Variants in RBFOX3 observed in about 807,000 individuals in gnomAD.
The protein encoded by RBFOX3 is RNA binding protein fox-1 homolog 3.
Under a neutral mutation model 48.7 loss-of-function variants are expected in RBFOX3, and 17 were observed. That is an observed-to-expected ratio of 0.35 (90% CI 0.24 to 0.52). The LOEUF (loss-of-function observed/expected upper bound fraction) is 0.52, where lower values mean the gene tolerates loss of function less well. Ranked by LOEUF, RBFOX3 falls within the 20% of genes least tolerant of loss-of-function variation. RBFOX3 has a pLI of 0.94. For missense variants in RBFOX3, 382 were observed against 497.5 expected (o/e 0.77, Z 2.21); for synonymous variants, 212 against 209.5 (o/e 1.01, Z -0.10).
chr17:79,611,732 C>T, upstream of RBFOX3, among the ~76,000 whole-genome samples: 1 of 152,220 alleles, frequency 6.6e-6, no homozygotes, highest in Non-Finnish European at 1.5e-5. Flanking sequence ...ACCCCAAACC[C>T]CCTCACTAGG....
intron 2 of RBFOX3, among the ~76,000 whole-genome samples, chr17:79,368,998 G>T (rs1187695424): frequency 1.3e-5 from 2 of 152,120 alleles, no homozygotes; most frequent in South Asian, 4.1e-4. Context: ...CTCGCTCACC[G>T]CCGCCTGCTA....
At chr17:79,398,074 G>C (rs538383062) in intron 2 of RBFOX3, among the ~76,000 whole-genome samples, 14 of 151,426 alleles carry the variant, frequency 9.2e-5, no homozygotes, top group Admixed American at 9.2e-4. Flanking sequence ...CGAGGCTCTG[G>C]GCGCCTTGTC....
At chr17:79,478,231 G>C (rs1000766887) in intron 2 of RBFOX3, among the ~76,000 whole-genome samples, 1 of 152,228 alleles carries the variant, frequency 6.6e-6, no homozygotes, top group African/African-American at 2.4e-5. Flanking sequence ...TGATGGATGA[G>C]TGCAGGAAGC....
At position 79,480,106 on chromosome 17, in the gene RBFOX3, G is replaced by A. The variant is rs1207392790; in HGVS notation, c.-175+2348C>T. ...ACAGCGACACTGCAGGGAGCCCCAG[G>A]ACAGAAAGAGCCAGAAAGAGCAGTG... On this transcript the variant is annotated intron_variant, in intron 2 of 14. Transcript: ENST00000693108. This position sits in a 1 kb window ranked among gnomAD's most constrained non-coding sequence, Gnocchi z 4.8. Among the ~76,000 whole-genome samples, 3 of 152,200 alleles carry A rather than the reference G, an allele frequency of 2.0e-5. No homozygotes were observed. The highest frequency in any genetic ancestry group is 6.5e-5 in the Admixed American group (1 of 15,282).
chr17:79,551,893 A>C (rs1181446378), intron 1 of RBFOX3, among the ~76,000 whole-genome samples: 1 of 152,200 alleles, frequency 6.6e-6, no homozygotes, highest in African/African-American at 2.4e-5. Context: ...TCTGTTCTTT[A>C]TAAATTACTC....
intron 4 of RBFOX3, among the ~76,000 whole-genome samples, chr17:79,228,624 C>A (rs189059735): frequency 6.6e-6 from 1 of 152,298 alleles, no homozygotes; most frequent in Admixed American, 6.5e-5. Context: ...AGAACTTGAG[C>A]GTTTGGGAGC....
chr17:79,097,258 C>G (rs1488433888), intron 11 of RBFOX3, 34 bp downstream of exon 11: 5 of 1,515,500 alleles, frequency 3.3e-6, no homozygotes, highest in African/African-American at 1.4e-5. Flanking sequence ...CGTCCTACCC[C>G]CTCCTCCACG....
intron 4 of RBFOX3, among the ~76,000 whole-genome samples, chr17:79,134,742 A>C (rs1474990204): frequency 2.0e-5 from 3 of 152,182 alleles, no homozygotes; most frequent in African/African-American, 4.8e-5. Flanking sequence ...GGGAAGAGGC[A>C]GTTCCCCCCT....
At chr17:79,483,374 C>G (rs1740584628) in intron 1 of RBFOX3, among the ~76,000 whole-genome samples, 1 of 151,596 alleles carries the variant, frequency 6.6e-6, no homozygotes, top group Non-Finnish European at 1.5e-5. Context: ...CCTCCCCGAC[C>G]CCACCCCTGC....
intron 2 of RBFOX3, among the ~76,000 whole-genome samples, chr17:79,372,250 T>C (rs1460699886): frequency 6.6e-6 from 1 of 151,060 alleles, no homozygotes; most frequent in Non-Finnish European, 1.5e-5. Flanking sequence ...GGCCTCCCCA[T>C]ACTATCCCCG....
rs368433325 is a variant in RBFOX3, at chr17:79,271,450, G to A, written c.-73-35645C>T. Reference sequence around the variant, plus strand: ...CATGGGAGTCTTCTAAGCTTGGGTCGGATCCCTGTGTGCCTGCCGGACTCA... The same window carrying A: ...CATGGGAGTCTTCTAAGCTTGGGTCAGATCCCTGTGTGCCTGCCGGACTCA... On this transcript the variant is annotated intron_variant, in intron 3 of 14. Transcript: ENST00000693108. Among the ~76,000 whole-genome samples the A allele has an allele frequency of 5.3e-5, 8 of 152,256 alleles. No individual in the cohort carries two copies. The South Asian group carries it at 6.2e-4, about 12-fold the overall frequency.
chr17:79,283,611 T>G (rs2071132905), intron 3 of RBFOX3, among the ~76,000 whole-genome samples: 1 of 152,202 alleles, frequency 6.6e-6, no homozygotes, highest in East Asian at 1.9e-4. Flanking sequence ...GTGAGATTTG[T>G]TGTGTGTGCT....
At chr17:79,280,463 C>A (rs928809617) in intron 3 of RBFOX3, among the ~76,000 whole-genome samples, 16 of 152,324 alleles carry the variant, frequency 1.1e-4, no homozygotes, top group African/African-American at 3.8e-4. Context: ...ATCAAGGCCG[C>A]GATGCCTTCC....
At chr17:79,193,275 T>C (rs1281223538) in intron 4 of RBFOX3, among the ~76,000 whole-genome samples, 2 of 152,186 alleles carry the variant, frequency 1.3e-5, no homozygotes, top group African/African-American at 2.4e-5. Context: ...TACCTCCCAG[T>C]GGGGGCAGGG....
intron 1 of RBFOX3, among the ~76,000 whole-genome samples, chr17:79,536,845 G>A (rs1438232416): frequency 1.4e-4 from 21 of 152,210 alleles, no homozygotes; most frequent in African/African-American, 5.1e-4. Context: ...CAGCGCTTTG[G>A]GAGGCCGAGG....
chr17:79,419,782 G>A (rs782572869), intron 2 of RBFOX3, among the ~76,000 whole-genome samples: 22 of 152,270 alleles, frequency 1.4e-4, no homozygotes, highest in Middle Eastern at 3.4e-3. Flanking sequence ...AGTTCTGGGC[G>A]CCCTGGTGTC....
intron 1 of RBFOX3, among the ~76,000 whole-genome samples, chr17:79,494,290 G>A (rs938128596): frequency 2.0e-3 from 310 of 152,276 alleles, no homozygotes; most frequent in African/African-American, 7.1e-3. Flanking sequence ...AGCCAGGCAG[G>A]GCAGGAGAAG....
intron 3 of RBFOX3, among the ~76,000 whole-genome samples, chr17:79,236,340 A>G (rs7208374): frequency 0.99 from 150,114 of 152,232 alleles, 74,041 homozygotes; most frequent in Middle Eastern, 1. Flanking sequence ...TCTGTCTGGA[A>G]TGCAATGGTG....
intron 4 of RBFOX3, among the ~76,000 whole-genome samples, chr17:79,173,135 A>G (rs1042749575): frequency 2.6e-5 from 4 of 152,156 alleles, no homozygotes; most frequent in African/African-American, 9.7e-5. Context: ...GCTTGAACCC[A>G]GGAGGCAGAA....
Sources: gnomAD v4.1 joint callset for allele counts (sites outside exome capture counted in the v4.1 genomes callset) on GRCh38, gnomAD v4.1.1 for gene constraint, Gnocchi (gnomAD v3.1) non-coding constraint, MANE v1.5 for transcripts, NCBI Gene and HGNC (gene_info 2026-07-23, HGNC 2026-07-21) for gene names.